Variants in KCNMA1 observed in about 807,000 individuals in gnomAD.
KCNMA1 encodes potassium calcium-activated channel subfamily M alpha 1.
KCNMA1 carries 29 observed loss-of-function variants against 140.0 expected under a neutral mutation model. The observed-to-expected ratio is 0.21, with a 90% CI of 0.15 to 0.28. The LOEUF (loss-of-function observed/expected upper bound fraction) is 0.28. Among genes scored for constraint, KCNMA1 ranks in the 10% least tolerant of loss-of-function variants. KCNMA1 has a pLI of 1.00. For synonymous variants in KCNMA1, 612 were observed against 611.9 expected, an observed-to-expected ratio of 1.00 and a Z score of 0.00; for missense variants, 880 against 1,602.2, an observed-to-expected ratio of 0.55 and a Z score of 7.70.
At chr10:77,064,148 A>G in intron 14 of KCNMA1, 20 of 982,412 alleles carry the variant, frequency 2.0e-5, no homozygotes, top group Non-Finnish European at 2.3e-5. Context: ...TTACAGCTAT[A>G]AAACCAAGAG....
intron 1 of KCNMA1, among the ~76,000 whole-genome samples, chr10:77,419,027 G>C (rs919816090): frequency 6.6e-6 from 1 of 152,136 alleles, no homozygotes. Flanking sequence ...CTAATGAATT[G>C]TGACTAGGCT....
intron 2 of KCNMA1, among the ~76,000 whole-genome samples, chr10:77,256,339 T>C (rs1420821438): frequency 3.3e-5 from 5 of 152,036 alleles, no homozygotes; most frequent in Admixed American, 6.6e-5. Flanking sequence ...CAGAATCCAG[T>C]CACCTGAGGA....
chr10:77,589,766 A>G (rs1004109626), intron 1 of KCNMA1, among the ~76,000 whole-genome samples: 3 of 152,074 alleles, frequency 2.0e-5, no homozygotes, highest in Non-Finnish European at 4.4e-5. Flanking sequence ...TCGCGGTGTT[A>G]CAGCTCATAA....
chr10:77,020,351 C>G (rs1565583282), intron 16 of KCNMA1: 1 of 152,126 alleles, frequency 6.6e-6, no homozygotes, highest in Non-Finnish European at 1.5e-5. Context: ...GTTGGGAGAC[C>G]TCCGAGCAGA....
chr10:77,347,067 C>T (rs551357878), intron 2 of KCNMA1, among the ~76,000 whole-genome samples: 2 of 152,204 alleles, frequency 1.3e-5, no homozygotes, highest in African/African-American at 2.4e-5. Context: ...TGGGTGAGTC[C>T]CTTAATCCCA....
intron 1 of KCNMA1, among the ~76,000 whole-genome samples, chr10:77,537,134 A>G (rs1328371714): frequency 6.6e-6 from 1 of 152,192 alleles, no homozygotes; most frequent in Non-Finnish European, 1.5e-5. Flanking sequence ...GAGTACATAG[A>G]GCCCCAGGAC....
chr10:77,002,402 G>T (rs988143250), intron 18 of KCNMA1, among the ~76,000 whole-genome samples: 2 of 152,166 alleles, frequency 1.3e-5, no homozygotes, highest in African/African-American at 2.4e-5. Flanking sequence ...TCTGAAAATC[G>T]CATCTGCCTT....
At chr10:77,477,035 C>G (rs1000735003) in intron 1 of KCNMA1, among the ~76,000 whole-genome samples, 18 of 152,186 alleles carry the variant, frequency 1.2e-4, no homozygotes, top group African/African-American at 4.3e-4. Flanking sequence ...AGAGAACTGG[C>G]ATCTGAAGGC....
chr10:77,446,362 G>C (rs1291587217), intron 1 of KCNMA1, among the ~76,000 whole-genome samples: 1 of 152,246 alleles, frequency 6.6e-6, no homozygotes, highest in East Asian at 1.9e-4. Flanking sequence ...GGGTTGCCTA[G>C]CTGGTAGCTT....
At chr10:76,982,838 T>C (rs1464461031) in intron 19 of KCNMA1, among the ~76,000 whole-genome samples, 2 of 152,200 alleles carry the variant, frequency 1.3e-5, no homozygotes, top group Non-Finnish European at 2.9e-5. Flanking sequence ...CACACATTCA[T>C]GCATGGAAAT....
chr10:77,382,882 A>AG (rs2095446692), intron 2 of KCNMA1, among the ~76,000 whole-genome samples: 3 of 128,602 alleles, frequency 2.3e-5, no homozygotes, highest in African/African-American at 8.8e-5. Flanking sequence ...AAAAAAAAAA[A>AG]AAAATATATA....
chr10:77,328,504 G>A (rs561328973), intron 2 of KCNMA1, among the ~76,000 whole-genome samples: 186 of 152,284 alleles, frequency 1.2e-3, no homozygotes, highest in Admixed American at 6.7e-3. Flanking sequence ...TCAGAAAAAA[G>A]GCCTCAAAGA....
intron 1 of KCNMA1, among the ~76,000 whole-genome samples, chr10:77,558,968 G>A (rs1283529610): frequency 1.3e-5 from 2 of 149,650 alleles, no homozygotes; most frequent in Admixed American, 6.6e-5. Context: ...ACAACTTCCT[G>A]TAACATAGCA....
At chr10:77,161,472 T>C (rs1401864871) in intron 5 of KCNMA1, among the ~76,000 whole-genome samples, 1 of 152,102 alleles carries the variant, frequency 6.6e-6, no homozygotes, top group African/African-American at 2.4e-5. Flanking sequence ...CTTCAACCCC[T>C]GGGCTCAAGC....
At chr10:77,292,588 C>G (rs912091254) in intron 2 of KCNMA1, among the ~76,000 whole-genome samples, 1 of 152,214 alleles carries the variant, frequency 6.6e-6, no homozygotes, top group Non-Finnish European at 1.5e-5. Flanking sequence ...TGTTCTTCAG[C>G]CATGATTAGG....
chr10:77,279,459 C>G (rs745711378), intron 2 of KCNMA1, among the ~76,000 whole-genome samples: 4 of 152,168 alleles, frequency 2.6e-5, no homozygotes, highest in Non-Finnish European at 4.4e-5. Context: ...CATAACACTA[C>G]TTTGTGGTTA....
intron 17 of KCNMA1, among the ~76,000 whole-genome samples, chr10:77,018,079 G>A (rs913445509): frequency 1.4e-4 from 21 of 152,076 alleles, no homozygotes; most frequent in Non-Finnish European, 1.8e-4. Flanking sequence ...CACTTATCTC[G>A]ATTTTACAGA....
At chr10:77,213,471 A>G (rs2046756862) in intron 3 of KCNMA1, among the ~76,000 whole-genome samples, 1 of 152,226 alleles carries the variant, frequency 6.6e-6, no homozygotes, top group African/African-American at 2.4e-5. Context: ...AGATGGACTC[A>G]CATTTCTGAA....
chr10:77,201,652 C>T (rs947820494), intron 3 of KCNMA1, among the ~76,000 whole-genome samples: 2 of 152,136 alleles, frequency 1.3e-5, no homozygotes, highest in South Asian at 2.1e-4. Flanking sequence ...TTAAAGTTCA[C>T]GCATGTGACC....
Sources: gnomAD v4.1 joint callset for allele counts (sites outside exome capture counted in the v4.1 genomes callset) on GRCh38, gnomAD v4.1.1 for gene constraint, MANE v1.5 for transcripts, NCBI Gene and HGNC (gene_info 2026-07-23, HGNC 2026-07-21) for gene names.